DDHD2: variants seen among roughly 807,000 people sequenced by gnomAD.
DDHD2 encodes the protein DDHD domain containing 2.
In DDHD2, 62 loss-of-function variants were observed where a neutral mutation model predicts 91.2. The ratio of observed to expected loss-of-function variants is 0.68; its 90% CI spans 0.55 to 0.84. DDHD2 has a LOEUF of 0.84. Ranked by LOEUF, DDHD2 falls within the 40% of genes least tolerant of loss-of-function variation. The pLI is 0.00. For synonymous variants in DDHD2, 271 were observed against 293.9 expected, an observed-to-expected ratio of 0.92 and a Z score of 0.80; for missense variants, 740 against 846.9, an observed-to-expected ratio of 0.87 and a Z score of 1.57.
At chr8:38,269,185 C>T in intron 1 of DDHD2, 1 of 1,502,682 alleles carries the variant, frequency 6.7e-7, no homozygotes, top group Non-Finnish European at 8.8e-7. Context: ...CCACCGCCGC[C>T]GCCGCCTTCC....
downstream of DDHD2, chr8:38,267,041 C>A: frequency 7.1e-7 from 1 of 1,411,836 alleles, no homozygotes; most frequent in South Asian, 1.6e-5. Context: ...AATAATATAA[C>A]AATTAAATGT....
chr8:38,252,885 T>G (rs1479065519), intron 14 of DDHD2, 61 bp downstream of exon 14: 1 of 1,606,296 alleles, frequency 6.2e-7, no homozygotes, highest in South Asian at 1.1e-5. Flanking sequence ...AGGGCATCAT[T>G]CACTCTGTTC....
chr8:38,268,232 T>C, intron 1 of DDHD2: 1 of 1,062,252 alleles, frequency 9.4e-7, no homozygotes, highest in Non-Finnish European at 1.3e-6. Context: ...GCAGTGCTAT[T>C]TTCCTCTCCC....
intron 6 of DDHD2, 157 bp from the exon 7 acceptor site, chr8:38,242,093 G>A: frequency 1.7e-6 from 1 of 586,056 alleles, no homozygotes; most frequent in Non-Finnish European, 2.9e-6. Context: ...TTTCCTATAT[G>A]CATTCATAAT....
At chr8:38,269,451 T>G (rs973413912) in intron 1 of DDHD2, among the ~76,000 whole-genome samples, 19 of 152,094 alleles carry the variant, frequency 1.2e-4, no homozygotes, top group East Asian at 5.8e-4. Context: ...CGGTCCATCA[T>G]CAGCAGCTCG....
chr8:38,264,472 G>A, downstream of DDHD2: 1 of 1,551,016 alleles, frequency 6.4e-7, no homozygotes, highest in Non-Finnish European at 8.7e-7. Flanking sequence ...AGAATCCCCA[G>A]GCTTCTGTGC....
At chr8:38,269,191 C>G (rs1323375636) in intron 1 of DDHD2, 1 of 1,501,260 alleles carries the variant, frequency 6.7e-7, no homozygotes, top group Admixed American at 2.1e-5. Flanking sequence ...CCGCCGCCGC[C>G]TTCCCCATCC....
At position 38,245,918 on chromosome 8, in the gene DDHD2, A is replaced by C. The variant is rs540732079; in HGVS notation, c.1025A>C (p.Lys342Thr). 12 of 1,613,850 alleles carry C rather than the reference A, an allele frequency of 7.4e-6. No homozygotes were observed. The African/African-American group carries it at 1.2e-4, about 16-fold the overall frequency. The change falls in exon 8 of 18, where the codon AAA (lysine) becomes ACA (threonine). Residue 342 changes from lysine to threonine, a missense_variant. Physicochemically the swap from Lys to Thr is moderately conservative, Grantham distance 78 (BLOSUM62 -1). Transcript: ENST00000397166. The part of the protein sequence containing the change: ...TLFLQRNPDF[K>T]GGVSIAGHSL... ...TTTCTACAGAGGAACCCTGATTTCAAAGGGGGTGTATCCATTGCTGGTCAT... is the reference window on the plus strand; with the variant it reads ...TTTCTACAGAGGAACCCTGATTTCACAGGGGGTGTATCCATTGCTGGTCAT...
At chr8:38,256,358 A>G (rs1227797537) in intron 16 of DDHD2, among the ~76,000 whole-genome samples, 1 of 152,078 alleles carries the variant, frequency 6.6e-6, no homozygotes, top group East Asian at 1.9e-4. Flanking sequence ...GCTGGAGTGC[A>G]GTGACACAAT....
At chr8:38,266,377 A>G (rs1807590982), downstream of DDHD2, 1 of 1,375,256 alleles carries the variant, frequency 7.3e-7, no homozygotes, top group Admixed American at 2.1e-5. Context: ...ATCCCCACAT[A>G]GGAGGCTAGG....
chr8:38,256,232 A>G (rs1293737320), intron 16 of DDHD2, among the ~76,000 whole-genome samples: 1 of 151,976 alleles, frequency 6.6e-6, no homozygotes, highest in Non-Finnish European at 1.5e-5. Flanking sequence ...GCCACTGTAG[A>G]TTAGTTTGCT....
intron 7 of DDHD2, among the ~76,000 whole-genome samples, chr8:38,244,045 C>T (rs1475719852): frequency 1.3e-5 from 2 of 151,738 alleles, no homozygotes; most frequent in East Asian, 3.9e-4. Context: ...TCAGGTGATC[C>T]GCCCGTCTTG....
intron 2 of DDHD2, among the ~76,000 whole-genome samples, 172 bp downstream of exon 2, chr8:38,233,386 T>TA (rs1379448059): frequency 6.6e-6 from 1 of 152,214 alleles, no homozygotes; most frequent in Non-Finnish European, 1.5e-5. Context: ...CAATCAATAA[T>TA]ATTCAAGAAT....
Position 38,260,146 on chromosome 8 carries a change from A to T in DDHD2, c.*25A>T. ...AAAATGACCCATCTATGGCTGCTTA[A>T]TGTAAGTTTTAAAATGTCATATATA... On this transcript the variant is annotated splice_region_variant and 3_prime_UTR_variant, in exon 17 of 18. Transcript: ENST00000397166. 3.3e-6 allele frequency: 5 copies of T among 1,498,048 alleles called. No homozygotes were observed. The East Asian group carries it at 1.1e-4, about 34-fold the overall frequency. 92.8% of individuals were successfully genotyped at this position (1,498,048 alleles called of 1,614,324 possible).
intron 15 of DDHD2, 103 bp from the exon 16 acceptor site, chr8:38,253,452 GA>G: frequency 1.0e-6 from 1 of 1,000,118 alleles, no homozygotes; most frequent in East Asian, 2.5e-5. Context: ...TCTGAACAGA[GA>G]GTAGCTCATT....
chr8:38,240,266 C>T lies in DDHD2; in HGVS notation c.623-9C>T. The T allele has an allele frequency of 6.4e-7, 1 of 1,572,192 alleles. No individual in the cohort carries two copies. The highest frequency in any genetic ancestry group is 8.7e-7 in the Non-Finnish European group (1 of 1,145,618). ...TACAGAATAATTTTCTTTTTAATTT[C>T]ATTTATAGGAGAACCTTTACAAATA... On this transcript the variant is annotated splice_polypyrimidine_tract_variant and intron_variant, in intron 5 of 17. Transcript: ENST00000397166.
At chr8:38,255,373 G>A in intron 16 of DDHD2, 1 of 495,106 alleles carries the variant, frequency 2.0e-6, no homozygotes, top group Non-Finnish European at 4.0e-6. Context: ...TGGTGATCTG[G>A]CTTGATAGAA....
chr8:38,245,321 A>G (rs1376183944), intron 7 of DDHD2, among the ~76,000 whole-genome samples: 1 of 151,698 alleles, frequency 6.6e-6, no homozygotes, highest in South Asian at 2.1e-4. Context: ...AATTCCAGCT[A>G]TTTGGGAGGC....
At chr8:38,238,000 G>A in intron 4 of DDHD2, 89 bp from the exon 5 acceptor site, 31 of 1,346,716 alleles carry the variant, frequency 2.3e-5, no homozygotes, top group Non-Finnish European at 3.1e-5. Flanking sequence ...TGTGTGGTTT[G>A]AAAGACATGA....
Sources: allele counts gnomAD v4.1 joint callset (sites outside exome capture counted in the v4.1 genomes callset), GRCh38; gene constraint gnomAD v4.1.1; transcripts MANE v1.5; gene names NCBI Gene and HGNC (gene_info 2026-07-23, HGNC 2026-07-21).